The following FNDC3B variants were observed in gnomAD, a reference collection of about 807,000 sequenced individuals.
FNDC3B encodes fibronectin type III domain-containing protein 3B.
In FNDC3B, 12 loss-of-function variants were observed where a neutral mutation model predicts 151.5. The ratio of observed to expected loss-of-function variants is 0.08; its 90% CI spans 0.05 to 0.13. The LOEUF is 0.13. FNDC3B is among the 10% of genes least tolerant of loss of function. The pLI is 1.00. For synonymous variants in FNDC3B, 528 were observed against 549.0 expected (o/e 0.96, Z 0.54); for missense variants, 1,214 against 1,505.3 (o/e 0.81, Z 3.20).
chr3:172,353,166 G>A, intron 22 of FNDC3B, 83 bp downstream of exon 22: 3 of 1,305,440 alleles, frequency 2.3e-6, no homozygotes, highest in Non-Finnish European at 3.2e-6. Flanking sequence ...ATGACCAAGT[G>A]GATGTCATCT....
intron 1 of FNDC3B, among the ~76,000 whole-genome samples, chr3:172,085,009 G>A (rs941881500): frequency 6.6e-5 from 10 of 152,150 alleles, no homozygotes; most frequent in African/African-American, 2.4e-4. Context: ...GGGTTCTCCA[G>A]CTCCATAGTA....
At chr3:172,251,928 A>T (rs1277261623) in intron 6 of FNDC3B, among the ~76,000 whole-genome samples, 1 of 152,244 alleles carries the variant, frequency 6.6e-6, no homozygotes, top group Non-Finnish European at 1.5e-5. Flanking sequence ...TACCTCATAA[A>T]CCATACGTAA....
intron 2 of FNDC3B, among the ~76,000 whole-genome samples, chr3:172,125,161 C>G (rs1420542171): frequency 6.6e-6 from 1 of 152,144 alleles, no homozygotes. Flanking sequence ...GAGGCCATTC[C>G]TCTTCATTAT....
At chr3:172,324,025 G>A (rs1261310403) in intron 11 of FNDC3B, among the ~76,000 whole-genome samples, 1 of 152,138 alleles carries the variant, frequency 6.6e-6, no homozygotes, top group Non-Finnish European at 1.5e-5. Flanking sequence ...TAAATGAGGT[G>A]TCCAGCTTAG....
At chr3:172,223,022 G>A (rs934344989) in intron 3 of FNDC3B, among the ~76,000 whole-genome samples, 2 of 152,120 alleles carry the variant, frequency 1.3e-5, no homozygotes, top group African/African-American at 2.4e-5. Context: ...ATAATAAAGC[G>A]GCTCTCCAAC....
At chr3:172,166,466 A>G (rs1453874380) in intron 3 of FNDC3B, among the ~76,000 whole-genome samples, 1 of 152,184 alleles carries the variant, frequency 6.6e-6, no homozygotes, top group East Asian at 1.9e-4. Flanking sequence ...CACTTGAGAA[A>G]TGTGTGTGCT....
At chr3:172,130,971 C>T (rs779798724) in intron 2 of FNDC3B, among the ~76,000 whole-genome samples, 33 of 152,104 alleles carry the variant, frequency 2.2e-4, no homozygotes, top group Non-Finnish European at 4.1e-4. Flanking sequence ...GTCTAAGGAC[C>T]TTTAAAAAGA....
At chr3:172,160,001 C>T (rs1270016011) in intron 3 of FNDC3B, among the ~76,000 whole-genome samples, 1 of 152,150 alleles carries the variant, frequency 6.6e-6, no homozygotes, top group Non-Finnish European at 1.5e-5. Context: ...GCAGATTGTC[C>T]TGGGTCACTG....
At chr3:172,217,981 T>C (rs557245535) in intron 3 of FNDC3B, among the ~76,000 whole-genome samples, 1 of 152,158 alleles carries the variant, frequency 6.6e-6, no homozygotes, top group African/African-American at 2.4e-5. Flanking sequence ...TGGTTCTTGG[T>C]AGTGATATAC....
chr3:172,342,949 T>C (rs1733410690), intron 17 of FNDC3B, 62 bp from the exon 18 acceptor site: 9 of 1,015,220 alleles, frequency 8.9e-6, no homozygotes, highest in African/African-American at 1.6e-5. Flanking sequence ...TTGCCTGATA[T>C]GTAGAGGTCT....
chr3:172,049,488 C>T (rs1035032792), intron 1 of FNDC3B, among the ~76,000 whole-genome samples: 2 of 152,168 alleles, frequency 1.3e-5, no homozygotes, highest in South Asian at 2.1e-4. Context: ...AGTAGGTGTA[C>T]ACTCGGACCT....
intron 3 of FNDC3B, among the ~76,000 whole-genome samples, chr3:172,223,665 T>C (rs1266269810): frequency 6.6e-6 from 1 of 152,246 alleles, no homozygotes; most frequent in Non-Finnish European, 1.5e-5. Context: ...TGAAACATTT[T>C]ATTTTTACCT....
At chr3:172,264,248 C>T (rs919982361) in intron 6 of FNDC3B, among the ~76,000 whole-genome samples, 5 of 152,192 alleles carry the variant, frequency 3.3e-5, no homozygotes, top group African/African-American at 7.2e-5. Flanking sequence ...TCTCCCGCCT[C>T]GGCCTACCAA....
chr3:172,152,678 G>A (rs1043339462), intron 3 of FNDC3B, among the ~76,000 whole-genome samples: 4 of 151,250 alleles, frequency 2.6e-5, no homozygotes, highest in Non-Finnish European at 2.9e-5. Context: ...AGAGGGGAAC[G>A]TGCTCAACTT....
At chr3:172,134,355 CTG>C (rs1416246612) in intron 3 of FNDC3B, 1 of 518,232 alleles carries the variant, frequency 1.9e-6, no homozygotes, top group Non-Finnish European at 3.9e-6. Context: ...CTGGTAAACA[CTG>C]TAGTGTTAAA....
chr3:172,170,980 A>G (rs1194606689), intron 3 of FNDC3B, among the ~76,000 whole-genome samples: 1 of 152,206 alleles, frequency 6.6e-6, no homozygotes, highest in African/African-American at 2.4e-5. Flanking sequence ...GTCAGAAAAT[A>G]AAGGGACTCC....
At chr3:172,062,338 GTC>G (rs1278979448) in intron 1 of FNDC3B, among the ~76,000 whole-genome samples, 2 of 148,226 alleles carry the variant, frequency 1.3e-5, no homozygotes, top group South Asian at 2.1e-4. Flanking sequence ...TTGAGATGGA[GTC>G]TCTCTCCGTC....
intron 12 of FNDC3B, 174 bp from the exon 13 acceptor site, chr3:172,330,343 TAGTAGAAGATCATGGGGTGGGGGG>T (rs1464361667): frequency 6.0e-6 from 3 of 499,130 alleles, no homozygotes; most frequent in Non-Finnish European, 7.1e-6. Flanking sequence ...TGTGTGTGTC[TAGTAGAAGATCATGGGGTGGGGGG>T]ATGGGGAAGC....
intron 4 of FNDC3B, 130 bp downstream of exon 4, chr3:172,227,077 T>A: frequency 1.6e-6 from 1 of 644,534 alleles, no homozygotes; most frequent in Non-Finnish European, 2.8e-6. Context: ...TGCCATCATT[T>A]TGTGGCACCA....
Sources: allele counts gnomAD v4.1 joint callset (sites outside exome capture counted in the v4.1 genomes callset), GRCh38; gene constraint gnomAD v4.1.1; transcripts MANE v1.5; gene names NCBI Gene and HGNC (gene_info 2026-07-23, HGNC 2026-07-21).